Variants in PTPRD observed in about 807,000 individuals in gnomAD.
PTPRD encodes the protein receptor-type tyrosine-protein phosphatase delta.
A neutral mutation model predicts 214.5 loss-of-function variants in PTPRD; 34 were observed. That is an observed-to-expected ratio of 0.16 (90% CI 0.12 to 0.21). The LOEUF (loss-of-function observed/expected upper bound fraction) is 0.21. Among genes scored for constraint, PTPRD ranks in the 10% least tolerant of loss-of-function variants. The pLI, the probability that PTPRD is intolerant of heterozygous loss-of-function variation, is 1.00. For missense variants in PTPRD, 2,545 were observed against 2,398.7 expected, an observed-to-expected ratio of 1.06 and a Z score of -1.27; for synonymous variants, 1,128 against 845.7, an observed-to-expected ratio of 1.33 and a Z score of -5.79.
At chr9:8,560,440 T>TAC (rs71317370) in intron 14 of PTPRD, among the ~76,000 whole-genome samples, 11,849 of 143,230 alleles carry the variant, frequency 0.083, 659 homozygotes, top group African/African-American at 0.16. Flanking sequence ...AAAAAATACA[T>TAC]ACACACACAC....
At chr9:10,318,091 G>C (rs2096479456) in intron 3 of PTPRD, among the ~76,000 whole-genome samples, 2 of 151,754 alleles carry the variant, frequency 1.3e-5, no homozygotes, top group Admixed American at 1.3e-4. Flanking sequence ...ACAAACTTTG[G>C]CTAATATTTT....
intron 34 of PTPRD, among the ~76,000 whole-genome samples, chr9:8,445,415 T>C (rs951521064): frequency 6.6e-6 from 1 of 152,218 alleles, no homozygotes; most frequent in African/African-American, 2.4e-5. Context: ...CTGCTTTCAA[T>C]TGTGAAAGCA....
intron 11 of PTPRD, among the ~76,000 whole-genome samples, chr9:8,795,335 T>C (rs1434473887): frequency 6.6e-6 from 1 of 152,072 alleles, no homozygotes; most frequent in African/African-American, 2.4e-5. Context: ...AGATAATTTT[T>C]TTCTATTTTT....
At chr9:9,098,883 A>G (rs2099787406) in intron 10 of PTPRD, among the ~76,000 whole-genome samples, 1 of 152,204 alleles carries the variant, frequency 6.6e-6, no homozygotes, top group African/African-American at 2.4e-5. Context: ...TATTGTCTAT[A>G]TTTGTAAAAT....
intron 11 of PTPRD, among the ~76,000 whole-genome samples, chr9:8,863,435 AC>A (rs1200154560): frequency 2.0e-5 from 3 of 152,086 alleles, no homozygotes; most frequent in African/African-American, 7.3e-5. Context: ...TACTCTAATT[AC>A]CTTTCCTATT....
intron 9 of PTPRD, among the ~76,000 whole-genome samples, chr9:9,394,296 T>A (rs1254513245): frequency 6.6e-6 from 1 of 152,164 alleles, no homozygotes; most frequent in Non-Finnish European, 1.5e-5. Flanking sequence ...AGAGCTTGCA[T>A]CTCTCACTAG....
chr9:9,621,316 C>T (rs1162008555), intron 7 of PTPRD, among the ~76,000 whole-genome samples: 1 of 152,124 alleles, frequency 6.6e-6, no homozygotes, highest in African/African-American at 2.4e-5. Flanking sequence ...CCATTTTTCT[C>T]TTCCTGAAGG....
chr9:10,141,485 T>C (rs1246613224), intron 3 of PTPRD, among the ~76,000 whole-genome samples: 1 of 152,038 alleles, frequency 6.6e-6, no homozygotes, highest in Admixed American at 6.6e-5. Flanking sequence ...AAATCATGAG[T>C]GAACTCCCAT....
rs1022413170 is a variant in PTPRD at position 9,921,616 on chromosome 9, G to A, written c.-368+16891C>T. ...TGCTCAGGGGAAAAAAATGGCAGAG[G>A]ATAAAATTAAAAGCCCTGATTTTTT... is the stretch of plus-strand genomic sequence containing the variant. On this transcript the variant is annotated intron_variant, in intron 5 of 45. Coordinates refer to ENST00000381196, the MANE Select transcript of PTPRD (RefSeq NM_002839.4). 4.0e-5 allele frequency among the ~76,000 whole-genome samples: 6 copies of A among 149,246 alleles called. No individual in the cohort carries two copies. In the East Asian group the frequency reaches 9.7e-4, roughly 24 times the overall value.
chr9:10,446,566 T>C (rs753302615), intron 2 of PTPRD, among the ~76,000 whole-genome samples: 1 of 151,866 alleles, frequency 6.6e-6, no homozygotes, highest in African/African-American at 2.4e-5. Context: ...TAAAAAATCA[T>C]AAATGTGTTC....
At chr9:9,821,300 A>G (rs1019281038) in intron 5 of PTPRD, among the ~76,000 whole-genome samples, 13 of 152,154 alleles carry the variant, frequency 8.5e-5, no homozygotes, top group African/African-American at 3.1e-4. Flanking sequence ...GTATTTTGAG[A>G]CATTTAACCA....
At chr9:9,450,168 T>G (rs556631103) in intron 8 of PTPRD, among the ~76,000 whole-genome samples, 23 of 151,576 alleles carry the variant, frequency 1.5e-4, no homozygotes, top group Non-Finnish European at 2.7e-4. Context: ...CCACTCTGAT[T>G]GATGGGCATT....
At chr9:10,112,323 A>G (rs554291952) in intron 3 of PTPRD, among the ~76,000 whole-genome samples, 6 of 152,342 alleles carry the variant, frequency 3.9e-5, no homozygotes, top group South Asian at 2.1e-4. Context: ...TGGAGTTAAT[A>G]GGAGGCTCAT....
chr9:10,540,087 G>C (rs958174227), intron 2 of PTPRD, among the ~76,000 whole-genome samples: 6 of 152,196 alleles, frequency 3.9e-5, no homozygotes, highest in African/African-American at 1.2e-4. Context: ...TTGGAGTGCA[G>C]TGGCATGGTC....
At chr9:9,275,108 TTA>T (rs1174968792) in intron 9 of PTPRD, among the ~76,000 whole-genome samples, 2,024 of 69,690 alleles carry the variant, frequency 0.029, 59 homozygotes, top group African/African-American at 0.037. Flanking sequence ...ATATAATATA[TTA>T]TATATATATT....
chr9:8,933,497 T>C (rs535518948), intron 11 of PTPRD, among the ~76,000 whole-genome samples: 1 of 152,114 alleles, frequency 6.6e-6, no homozygotes, highest in South Asian at 2.1e-4. Flanking sequence ...TGGATACCAA[T>C]AACATGCTTC....
chr9:9,431,129 G>C (rs2082925708), intron 8 of PTPRD, among the ~76,000 whole-genome samples: 1 of 151,490 alleles, frequency 6.6e-6, no homozygotes, highest in Admixed American at 6.6e-5. Flanking sequence ...CTACAGAATG[G>C]GAGAAAATGT....
intron 11 of PTPRD, among the ~76,000 whole-genome samples, chr9:8,743,110 A>AT (rs2092294115): frequency 1.0e-5 from 1 of 100,064 alleles, no homozygotes; most frequent in South Asian, 5.0e-4. Context: ...AAATTAAAAA[A>AT]AAAAGGGGGG....
chr9:9,044,690 G>T (rs1157272192), intron 10 of PTPRD, among the ~76,000 whole-genome samples: 4 of 152,110 alleles, frequency 2.6e-5, no homozygotes, highest in Non-Finnish European at 5.9e-5. Flanking sequence ...ACTATGCTGG[G>T]AACTTGAGTC....
Sources: gnomAD v4.1 joint callset for allele counts (sites outside exome capture counted in the v4.1 genomes callset) on GRCh38, gnomAD v4.1.1 for gene constraint, MANE v1.5 for transcripts, NCBI Gene and HGNC (gene_info 2026-07-23, HGNC 2026-07-21) for gene names.